The following CYP7B1 variants were observed in gnomAD, a reference collection of about 807,000 sequenced individuals.
CYP7B1 encodes the protein cytochrome P450 7B1.
A neutral mutation model predicts 42.7 loss-of-function variants in CYP7B1; 29 were observed. That is an observed-to-expected ratio of 0.68 (90% confidence interval 0.51 to 0.93). The LOEUF is 0.93. Ranked by LOEUF, CYP7B1 falls within the 40% of genes least tolerant of loss-of-function variation. The pLI is 0.00. For synonymous variants in CYP7B1, 235 were observed against 218.2 expected, an observed-to-expected ratio of 1.08 and a Z score of -0.68; for missense variants, 655 against 600.5, an observed-to-expected ratio of 1.09 and a Z score of -0.95.
intron 1 of CYP7B1, among the ~76,000 whole-genome samples, chr8:64,754,251 G>C (rs535352824): frequency 6.6e-6 from 1 of 152,180 alleles, no homozygotes; most frequent in East Asian, 1.9e-4. Flanking sequence ...AGAGTGGTAC[G>C]CATGATATGA....
chr8:64,706,443 A>G (rs1807000713), intron 1 of CYP7B1, among the ~76,000 whole-genome samples: 1 of 152,046 alleles, frequency 6.6e-6, no homozygotes. Flanking sequence ...ATACTTTCTC[A>G]TCTCTCTTCA....
chr8:64,588,158 C>T (rs914177161), downstream of CYP7B1, among the ~76,000 whole-genome samples: 6 of 152,024 alleles, frequency 3.9e-5, no homozygotes, highest in South Asian at 2.1e-4. Context: ...ATTTGAAATG[C>T]TATAGAAGAA....
chr8:64,597,807 C>T (rs1805140658), intron 5 of CYP7B1, among the ~76,000 whole-genome samples: 1 of 152,070 alleles, frequency 6.6e-6, no homozygotes, highest in African/African-American at 2.4e-5. Flanking sequence ...AATTAATGTC[C>T]GTGGCTTGCA....
intron 1 of CYP7B1, among the ~76,000 whole-genome samples, chr8:64,785,704 T>G (rs1453831881): frequency 2.0e-5 from 3 of 150,868 alleles, no homozygotes; most frequent in African/African-American, 7.3e-5. Flanking sequence ...AAAGGTTAGG[T>G]AGGTAAGAGG....
intron 1 of CYP7B1, among the ~76,000 whole-genome samples, chr8:64,779,245 C>T (rs1270949839): frequency 6.6e-6 from 1 of 152,036 alleles, no homozygotes; most frequent in Non-Finnish European, 1.5e-5. Flanking sequence ...AACTGCATCA[C>T]ATTAGAAACA....
At position 64,594,027 on chromosome 8, in the gene CYP7B1, T is replaced by A. The variant is rs2129629673; in HGVS notation, c.*2615A>T. 6.6e-6 allele frequency among the ~76,000 whole-genome samples: 1 copy of A among 152,110 alleles called. No individual in the cohort carries two copies. Among genetic ancestry groups the A allele is most frequent in the East Asian group, 1.9e-4 (1 of 5,164 alleles). On this transcript the variant is annotated 3_prime_UTR_variant, in exon 6 of 6. Coordinates refer to ENST00000310193, the MANE Select transcript of CYP7B1 (RefSeq NM_004820.5). Reference sequence around the variant, plus strand: ...TGGAGACCCTACAGAATGGAGAGGATTGGATGGATCTGAGGATGGGACATA... The same window carrying A: ...TGGAGACCCTACAGAATGGAGAGGAATGGATGGATCTGAGGATGGGACATA...
intron 1 of CYP7B1, among the ~76,000 whole-genome samples, chr8:64,794,262 T>C (rs987225785): frequency 7.9e-5 from 12 of 152,186 alleles, no homozygotes; most frequent in Admixed American, 5.2e-4. Context: ...ACCCTGGACA[T>C]GTGCATCTTC....
chr8:64,616,422 A>T, intron 2 of CYP7B1, 141 bp from the exon 3 acceptor site: 1 of 649,800 alleles, frequency 1.5e-6, no homozygotes, highest in Non-Finnish European at 2.7e-6. Flanking sequence ...AATCCATTTC[A>T]TTCGAAGGTA....
At chr8:64,717,235 G>A (rs759872177) in intron 1 of CYP7B1, among the ~76,000 whole-genome samples, 13 of 151,378 alleles carry the variant, frequency 8.6e-5, no homozygotes, top group South Asian at 6.2e-4. Flanking sequence ...TGTGCACAAC[G>A]TGCAGGTTAG....
At chr8:64,638,643 A>G (rs1292719587) in intron 1 of CYP7B1, among the ~76,000 whole-genome samples, 4 of 152,124 alleles carry the variant, frequency 2.6e-5, no homozygotes, top group Non-Finnish European at 5.9e-5. Context: ...GATGTCCTCT[A>G]TAGTTATACA....
intron 1 of CYP7B1, among the ~76,000 whole-genome samples, chr8:64,699,238 G>A (rs978252581): frequency 2.0e-5 from 3 of 152,080 alleles, no homozygotes; most frequent in African/African-American, 4.8e-5. Context: ...AGTTGATGGA[G>A]CCCCAGGAAA....
At chr8:64,714,106 C>T (rs937831610) in intron 1 of CYP7B1, among the ~76,000 whole-genome samples, 1 of 152,180 alleles carries the variant, frequency 6.6e-6, no homozygotes, top group Non-Finnish European at 1.5e-5. Flanking sequence ...AGCAAAGACT[C>T]AAACCTGTGT....
chr8:64,630,812 C>T (rs565987479), intron 1 of CYP7B1, among the ~76,000 whole-genome samples: 2 of 152,178 alleles, frequency 1.3e-5, no homozygotes, highest in Non-Finnish European at 2.9e-5. Flanking sequence ...CTGGGCATGA[C>T]CTGCTTTAAG....
chr8:64,648,236 G>C (rs1411091497), intron 1 of CYP7B1, among the ~76,000 whole-genome samples: 1 of 152,044 alleles, frequency 6.6e-6, no homozygotes, highest in African/African-American at 2.4e-5. Context: ...TTCTTATTTT[G>C]ATCTTTTTTT....
Position 64,604,778 on chromosome 8 carries a change from A to ACTGAGC in CYP7B1, c.1136_1137insGCTCAG (p.Leu378_Ser379insArgLeu), listed in dbSNP as rs759199332. ...GCACACAGTAGTCCCCGGTCTCTGA[A>ACTGAGC]CTGAGAGTCAAATCCTCCTCAACAA... On this transcript the variant is annotated inframe_insertion, in exon 5 of 6. Transcript: ENST00000310193. 6.2e-7 allele frequency: 1 copy of ACTGAGC among 1,614,214 alleles called. No individual in the cohort carries two copies. The highest frequency in any genetic ancestry group is 1.1e-5 in the South Asian group (1 of 91,086).
At chr8:64,701,103 G>T (rs1301728132) in intron 1 of CYP7B1, among the ~76,000 whole-genome samples, 4 of 152,046 alleles carry the variant, frequency 2.6e-5, no homozygotes, top group Admixed American at 2.6e-4. Context: ...GTTTGATGCA[G>T]TTTAATTAGT....
At chr8:64,740,002 C>A (rs1807545298) in intron 1 of CYP7B1, among the ~76,000 whole-genome samples, 1 of 151,894 alleles carries the variant, frequency 6.6e-6, no homozygotes, top group Non-Finnish European at 1.5e-5. Context: ...GACAACCTAC[C>A]CTGCAAGAAA....
chr8:64,798,409 C>G (rs1406115581), intron 1 of CYP7B1, 57 bp downstream of exon 1: 3 of 1,441,910 alleles, frequency 2.1e-6, no homozygotes, highest in East Asian at 2.8e-5. Flanking sequence ...CCATCTGGGT[C>G]GCGCGCGGCC....
chr8:64,695,327 G>T (rs947156668), intron 1 of CYP7B1, among the ~76,000 whole-genome samples: 1 of 152,152 alleles, frequency 6.6e-6, no homozygotes, highest in Non-Finnish European at 1.5e-5. Flanking sequence ...GGTTAGGGGC[G>T]ATGTACATCA....
Sources: gnomAD v4.1 joint callset for allele counts (sites outside exome capture counted in the v4.1 genomes callset) on GRCh38, gnomAD v4.1.1 for gene constraint, MANE v1.5 for transcripts, NCBI Gene and HGNC (gene_info 2026-07-23, HGNC 2026-07-21) for gene names.